The following MIS18A variants were observed in gnomAD, a reference collection of about 807,000 sequenced individuals.
MIS18A encodes the protein protein Mis18-alpha.
Under a neutral mutation model 25.0 loss-of-function variants are expected in MIS18A, and 14 were observed. That is an observed-to-expected ratio of 0.56 (90% CI 0.37 to 0.88). MIS18A has a LOEUF of 0.88. Ranked by LOEUF, MIS18A falls within the 40% of genes least tolerant of loss-of-function variation. The pLI, the probability that MIS18A is intolerant of heterozygous loss-of-function variation, is 0.00. For synonymous variants in MIS18A, 134 were observed against 118.6 expected, an observed-to-expected ratio of 1.13 and a Z score of -0.84; for missense variants, 292 against 290.8, an observed-to-expected ratio of 1.00 and a Z score of -0.03.
At chr21:32,230,046 T>C in the MIS18A span, among the ~76,000 whole-genome samples, 1 of 152,204 alleles carries the variant, frequency 6.6e-6, no homozygotes, top group African/African-American at 2.4e-5. Context: ...AACAACTGCA[T>C]GCAAAACTCA....
At chr21:32,226,252 C>T in the MIS18A span, among the ~76,000 whole-genome samples, 2 of 137,400 alleles carry the variant, frequency 1.5e-5, no homozygotes, top group South Asian at 4.6e-4. Flanking sequence ...GCACAATGTG[C>T]ACATGTACCC....
At chr21:32,208,933 C>G in the MIS18A span, among the ~76,000 whole-genome samples, 1 of 152,218 alleles carries the variant, frequency 6.6e-6, no homozygotes, top group Non-Finnish European at 1.5e-5. Flanking sequence ...GTGGGCAAAC[C>G]TCCTTTGTTT....
chr21:32,256,523 T>C, the MIS18A span, among the ~76,000 whole-genome samples: 8 of 152,178 alleles, frequency 5.3e-5, no homozygotes, highest in Non-Finnish European at 8.8e-5. Context: ...CCCGGGACAA[T>C]TGACATCTGT....
the MIS18A span, among the ~76,000 whole-genome samples, chr21:32,194,908 G>T: frequency 6.6e-6 from 1 of 151,896 alleles, no homozygotes; most frequent in Non-Finnish European, 1.5e-5. Flanking sequence ...GGGTGGGAAG[G>T]GGGTGAGGGA....
At chr21:32,171,565 C>G in the MIS18A span, among the ~76,000 whole-genome samples, 27 of 152,140 alleles carry the variant, frequency 1.8e-4, no homozygotes, top group East Asian at 5.2e-3. Flanking sequence ...GCCTGCTACA[C>G]AACTAGGCTA....
chr21:32,167,445 A>G, the MIS18A span, among the ~76,000 whole-genome samples: 1 of 152,232 alleles, frequency 6.6e-6, no homozygotes, highest in Non-Finnish European at 1.5e-5. Flanking sequence ...TTTAAACACA[A>G]TGGAAATTAT....
the MIS18A span, among the ~76,000 whole-genome samples, chr21:32,216,607 G>A: frequency 6.6e-6 from 1 of 152,230 alleles, no homozygotes; most frequent in African/African-American, 2.4e-5. Context: ...TAAAAGCTCT[G>A]ATATATTCCT....
chr21:32,194,262 G>T, the MIS18A span, among the ~76,000 whole-genome samples: 1 of 151,878 alleles, frequency 6.6e-6, no homozygotes, highest in Admixed American at 6.6e-5. Context: ...TATTCCCAAT[G>T]GCAAAGTCAT....
chr21:32,272,081 C>T (rs921082974), intron 2 of MIS18A, among the ~76,000 whole-genome samples: 26 of 152,214 alleles, frequency 1.7e-4, no homozygotes, highest in Non-Finnish European at 3.4e-4. Flanking sequence ...GAGATGGTAG[C>T]TAGTATTAAG....
chr21:32,175,809 C>CA, the MIS18A span, among the ~76,000 whole-genome samples: 83,435 of 150,614 alleles, frequency 0.55, 23,471 homozygotes, highest in African/African-American at 0.61. Context: ...GACTCCATCT[C>CA]AAAAAAAACA....
intron 2 of MIS18A, among the ~76,000 whole-genome samples, chr21:32,273,256 C>T (rs2031747586): frequency 6.6e-6 from 1 of 152,044 alleles, no homozygotes; most frequent in Non-Finnish European, 1.5e-5. Flanking sequence ...CTCTAAAACC[C>T]ATGGGTTTTT....
intron 2 of MIS18A, among the ~76,000 whole-genome samples, chr21:32,273,024 T>G (rs2031741330): frequency 6.6e-6 from 1 of 152,228 alleles, no homozygotes; most frequent in South Asian, 2.1e-4. Context: ...TTCCAAATTT[T>G]TATGGCCTGC....
the MIS18A span, among the ~76,000 whole-genome samples, chr21:32,157,920 T>C: frequency 6.6e-6 from 1 of 152,310 alleles, no homozygotes; most frequent in African/African-American, 2.4e-5. Context: ...AACATGACTT[T>C]GAGAATTTTA....
the MIS18A span, among the ~76,000 whole-genome samples, chr21:32,237,080 C>T: frequency 1.6e-5 from 2 of 125,688 alleles, no homozygotes; most frequent in Non-Finnish European, 3.2e-5. Flanking sequence ...TAAAAATCAA[C>T]TTGCTTCAGC....
At chr21:32,247,965 ACT>A in the MIS18A span, among the ~76,000 whole-genome samples, 1 of 151,804 alleles carries the variant, frequency 6.6e-6, no homozygotes, top group Non-Finnish European at 1.5e-5. Flanking sequence ...AACCAAACAG[ACT>A]CTATGTGAAG....
chr21:32,250,092 A>G, the MIS18A span, among the ~76,000 whole-genome samples: 2 of 151,956 alleles, frequency 1.3e-5, no homozygotes, highest in Admixed American at 1.3e-4. Flanking sequence ...TTCCCGTGGC[A>G]CTATGCCCAG....
the MIS18A span, among the ~76,000 whole-genome samples, chr21:32,207,825 G>C: frequency 2.0e-5 from 3 of 152,162 alleles, no homozygotes; most frequent in African/African-American, 7.2e-5. Flanking sequence ...AGACCAGAGA[G>C]TCCAGTGGAC....
the MIS18A span, among the ~76,000 whole-genome samples, chr21:32,221,072 A>G: frequency 6.6e-6 from 1 of 152,176 alleles, no homozygotes; most frequent in Non-Finnish European, 1.5e-5. Flanking sequence ...AAATTATCCA[A>G]GAGAACTTCC....
At chr21:32,203,566 TA>T in the MIS18A span, among the ~76,000 whole-genome samples, 2 of 148,066 alleles carry the variant, frequency 1.4e-5, no homozygotes, top group Non-Finnish European at 3.0e-5. Context: ...TAGCAATCTA[TA>T]TCTAGCTAAA....
Sources: allele counts gnomAD v4.1 joint callset (sites outside exome capture counted in the v4.1 genomes callset), GRCh38; gene constraint gnomAD v4.1.1; transcripts MANE v1.5; gene names NCBI Gene and HGNC (gene_info 2026-07-23, HGNC 2026-07-21).